Variants in SYT6 observed in about 807,000 individuals in gnomAD.
SYT6 encodes the protein synaptotagmin-6.
In SYT6, 24 loss-of-function variants were observed where a neutral mutation model predicts 38.4. The ratio of observed to expected loss-of-function variants is 0.62; its 90% CI spans 0.45 to 0.88. SYT6 has a LOEUF of 0.88. Among genes scored for constraint, SYT6 ranks in the 40% least tolerant of loss-of-function variants. SYT6 has a pLI of 0.00. For synonymous variants in SYT6, 265 were observed against 241.9 expected, an observed-to-expected ratio of 1.10 and a Z score of -0.89; for missense variants, 611 against 621.0, an observed-to-expected ratio of 0.98 and a Z score of 0.17.
chr1:114,096,618 C>T (rs978103180), intron 6 of SYT6, among the ~76,000 whole-genome samples: 2 of 152,128 alleles, frequency 1.3e-5, no homozygotes, highest in Non-Finnish European at 1.5e-5. Context: ...GGCTTGTCCT[C>T]CATGAGAGGG....
chr1:114,095,122 G>A (rs546964730), intron 6 of SYT6, among the ~76,000 whole-genome samples: 1 of 152,300 alleles, frequency 6.6e-6, no homozygotes, highest in African/African-American at 2.4e-5. Flanking sequence ...ATCGTGCGTG[G>A]GGGAGGGGGC....
chr1:114,120,448 C>T (rs543489050), intron 3 of SYT6, among the ~76,000 whole-genome samples: 204 of 152,282 alleles, frequency 1.3e-3, no homozygotes, highest in Non-Finnish European at 2.4e-3. Context: ...GTAGGGGACT[C>T]GCTGGATTCC....
chr1:114,122,481 T>TTGTGTGTG (rs142500087), intron 3 of SYT6, among the ~76,000 whole-genome samples: 3 of 148,276 alleles, frequency 2.0e-5, no homozygotes, highest in East Asian at 2.1e-4. Flanking sequence ...GCATGTACAT[T>TTGTGTGTG]TGTGTGTGTG....
chr1:114,095,818 A>G (rs1316531028), intron 6 of SYT6, among the ~76,000 whole-genome samples: 1 of 151,896 alleles, frequency 6.6e-6, no homozygotes, highest in African/African-American at 2.4e-5. Flanking sequence ...CCGCTACCAC[A>G]CCTGGCTAAT....
At chr1:114,097,569 T>C (rs1675706479) in intron 6 of SYT6, among the ~76,000 whole-genome samples, 158 bp downstream of exon 6, 1 of 152,172 alleles carries the variant, frequency 6.6e-6, no homozygotes, top group Non-Finnish European at 1.5e-5. Flanking sequence ...ACCTTCTTCC[T>C]CCATTTCCTT....
chr1:114,091,321 C>T lies in SYT6; in HGVS notation c.*813G>A, dbSNP rs963964504. On this transcript the variant is annotated 3_prime_UTR_variant, in exon 8 of 8. Transcript: ENST00000610222. ...TATGGCGTGTTTAGTTTCGGCTGAA[C>T]TGAATCATTCCTAAAGAAAGTGACT... The T allele has an allele frequency of 1.3e-5, 2 of 152,616 alleles. No homozygotes were observed. The highest frequency in any genetic ancestry group is 2.1e-4 in the South Asian group (1 of 4,832). The allele number at this position is 152,616 out of a possible 1,614,324, so 9.5% of individuals were successfully genotyped here. A position where few individuals can be genotyped will look rare whatever the true frequency, so the allele number is the denominator to read the frequency against.
chr1:114,100,486 C>T lies in SYT6; in HGVS notation c.1193-1221G>A, dbSNP rs1675901287. Among the ~76,000 whole-genome samples the T allele has an allele frequency of 1.3e-5, 2 of 152,208 alleles. 1 individual carries two copies. Among genetic ancestry groups the T allele is most frequent in the South Asian group, 4.1e-4 (2 of 4,830 alleles). On this transcript the variant is annotated intron_variant, in intron 4 of 7. Coordinates refer to ENST00000610222, the MANE Select transcript of SYT6 (RefSeq NM_001253772.2). Reference sequence around the variant, plus strand: ...GTGGAAATTAGGGAGAACTGTGACACCTGATCAGAAACTCCAAGCCTGAAA... The same window carrying T: ...GTGGAAATTAGGGAGAACTGTGACATCTGATCAGAAACTCCAAGCCTGAAA...
chr1:114,138,281 T>C (rs1166807855), intron 2 of SYT6, among the ~76,000 whole-genome samples: 1 of 152,238 alleles, frequency 6.6e-6, no homozygotes, highest in Non-Finnish European at 1.5e-5. Context: ...GCCTGATATA[T>C]AGTAAGCTCA....
chr1:114,103,046 G>T (rs1416317355), intron 4 of SYT6, among the ~76,000 whole-genome samples: 1 of 152,164 alleles, frequency 6.6e-6, no homozygotes, highest in Non-Finnish European at 1.5e-5. Flanking sequence ...CAGCTCTCTT[G>T]GTGCTGAGGC....
chr1:114,110,294 C>T (rs1376049818), intron 3 of SYT6, among the ~76,000 whole-genome samples: 1 of 152,196 alleles, frequency 6.6e-6, no homozygotes, highest in Non-Finnish European at 1.5e-5. Context: ...AGTCCCAGCC[C>T]TCCAGGAACT....
intron 3 of SYT6, among the ~76,000 whole-genome samples, chr1:114,119,754 A>C (rs1190630161): frequency 6.6e-6 from 1 of 152,086 alleles, no homozygotes; most frequent in African/African-American, 2.4e-5. Flanking sequence ...GGCTTTACAC[A>C]TTCTCTCAGT....
chr1:114,136,131 G>A (rs1678469891), intron 3 of SYT6, among the ~76,000 whole-genome samples: 1 of 152,234 alleles, frequency 6.6e-6, no homozygotes, highest in Non-Finnish European at 1.5e-5. Context: ...CACAAGCTAT[G>A]AGAATGGCGT....
chr1:114,143,112 G>GTGTATATGTATATATTCACATATA (rs1224090551), intron 1 of SYT6, among the ~76,000 whole-genome samples: 1 of 147,026 alleles, frequency 6.8e-6, no homozygotes, highest in African/African-American at 2.6e-5. Context: ...TTTATACTGT[G>GTGTATATGTATATATTCACATATA]TGTATATGTA....
intron 3 of SYT6, among the ~76,000 whole-genome samples, chr1:114,105,597 G>A (rs909212695): frequency 1.3e-5 from 2 of 152,128 alleles, no homozygotes; most frequent in Non-Finnish European, 2.9e-5. Context: ...CGCAGAGCCA[G>A]CCATCCCACA....
intron 1 of SYT6, among the ~76,000 whole-genome samples, chr1:114,145,704 T>C (rs17475914): frequency 0.12 from 18,899 of 152,158 alleles, 1,644 homozygotes; most frequent in Middle Eastern, 0.2. Context: ...TTCTCTGCAA[T>C]ATGAGTCACC....
intron 6 of SYT6, among the ~76,000 whole-genome samples, chr1:114,096,850 G>A (rs1332070401): frequency 6.6e-6 from 1 of 152,178 alleles, no homozygotes; most frequent in Non-Finnish European, 1.5e-5. Context: ...TATTCATCCA[G>A]CTTTCTAGGA....
intron 7 of SYT6, among the ~76,000 whole-genome samples, chr1:114,092,507 G>A (rs868158470): frequency 2.3e-4 from 35 of 152,144 alleles, no homozygotes; most frequent in Admixed American, 3.3e-4. Context: ...TGCATTATTA[G>A]CAATTTGTCT....
In SYT6 at chr1:114,149,223, G is replaced by GTGTGTGTGTGTGTGTGTGCGCGCGCA. The variant is rs531593752; in HGVS notation, c.163+4386_163+4387insTGCGCGCGCACACACACACACACACA. ...AGAGAGAGAGAGAGAGAGATTGTGT[G>GTGTGTGTGTGTGTGTGTGCGCGCGCA]TGTGTGTGTGTGTGTGTTGGGAGAA... On this transcript the variant is annotated intron_variant, in intron 1 of 7. Transcript: ENST00000610222. 2.6e-4 allele frequency among the ~76,000 whole-genome samples: 35 copies of GTGTGTGTGTGTGTGTGTGCGCGCGCA among 133,356 alleles called. 2 individuals are homozygous for GTGTGTGTGTGTGTGTGTGCGCGCGCA. The South Asian group carries it at 3.0e-3, about 11-fold the overall frequency. The allele number at this position is 133,356 out of a possible 152,430, so 87.5% of individuals were successfully genotyped here.
At chr1:114,149,418 C>G (rs1231432894) in intron 1 of SYT6, among the ~76,000 whole-genome samples, 1 of 151,878 alleles carries the variant, frequency 6.6e-6, no homozygotes, top group East Asian at 1.9e-4. Context: ...CCAGACTGAG[C>G]TACCAATGGG....
Sources: allele counts gnomAD v4.1 joint callset (sites outside exome capture counted in the v4.1 genomes callset), GRCh38; gene constraint gnomAD v4.1.1; transcripts MANE v1.5; gene names NCBI Gene and HGNC (gene_info 2026-07-23, HGNC 2026-07-21).